Variants in CHEK2 observed in about 807,000 individuals in gnomAD.
The protein encoded by CHEK2 is checkpoint kinase 2.
CHEK2 carries 71 observed loss-of-function variants against 69.1 expected under a neutral mutation model. The observed-to-expected ratio is 1.03, with a 90% CI of 0.85 to 1.25. The LOEUF (loss-of-function observed/expected upper bound fraction) is 1.25. Among genes scored for constraint, CHEK2 ranks in the 50% most tolerant of loss-of-function variants. The probability of loss-of-function intolerance (pLI) is 0.00; values close to 1 mark genes in which losing one functional copy is unlikely to be tolerated. For missense variants in CHEK2, 664 were observed against 649.6 expected (o/e 1.02, Z -0.24); for synonymous variants, 189 against 226.9 (o/e 0.83, Z 1.50).
At chr22:28,698,112 C>T (rs911325731) in intron 9 of CHEK2, among the ~76,000 whole-genome samples, 25 of 150,412 alleles carry the variant, frequency 1.7e-4, no homozygotes, top group African/African-American at 3.9e-4. Flanking sequence ...GGCTTGTGGG[C>T]GGGCACGGTG....
intron 2 of CHEK2, among the ~76,000 whole-genome samples, chr22:28,727,160 G>A (rs2054041003): frequency 6.6e-6 from 1 of 152,120 alleles, no homozygotes; most frequent in Admixed American, 6.6e-5. Flanking sequence ...TCCTGCCTCA[G>A]CCTCCCGAGT....
rs184986475 is a variant in CHEK2, at chr22:28,700,547, T to C, written c.909-610A>G. Among the ~76,000 whole-genome samples the C allele has an allele frequency of 3.3e-5, 5 of 152,166 alleles. No homozygotes were observed. The East Asian group carries it at 9.7e-4, about 29-fold the overall frequency. On this transcript the variant is annotated intron_variant, in intron 8 of 14. Transcript: ENST00000404276. ...TTGCATTTTTATCACACACCACAGA[T>C]GATTCTGAGACTGATGTAGAAGAGC...
At chr22:28,703,678 G>GC in intron 7 of CHEK2, 112 bp from the exon 8 acceptor site, 1 of 707,176 alleles carries the variant, frequency 1.4e-6, no homozygotes. Flanking sequence ...CAGGCATCTG[G>GC]CCCCCTGCCT....
intron 5 of CHEK2, among the ~76,000 whole-genome samples, chr22:28,713,881 A>T (rs2053495742): frequency 6.7e-6 from 1 of 149,454 alleles, no homozygotes; most frequent in Non-Finnish European, 1.5e-5. Flanking sequence ...GGGTTTCACC[A>T]TGTTGGGCAG....
chr22:28,705,530 C>T (rs2053084673), intron 7 of CHEK2, among the ~76,000 whole-genome samples: 1 of 152,144 alleles, frequency 6.6e-6, no homozygotes, highest in South Asian at 2.1e-4. Context: ...CCTCTGGTCC[C>T]AGGCGTTTTG....
intron 2 of CHEK2, among the ~76,000 whole-genome samples, chr22:28,728,677 G>A (rs1339103598): frequency 6.6e-6 from 1 of 152,038 alleles, no homozygotes; most frequent in African/African-American, 2.4e-5. Context: ...ACTCCAGCCT[G>A]GGTGACAGAG....
chr22:28,706,803 C>G (rs532799589), intron 7 of CHEK2, among the ~76,000 whole-genome samples: 1 of 152,170 alleles, frequency 6.6e-6, no homozygotes, highest in Non-Finnish European at 1.5e-5. Context: ...CCTGTAATCC[C>G]AGCTAGTCAG....
chr22:28,731,499 G>A (rs905534901), intron 2 of CHEK2, among the ~76,000 whole-genome samples: 1 of 151,698 alleles, frequency 6.6e-6, no homozygotes, highest in South Asian at 2.1e-4. Flanking sequence ...AGGTGGCTGA[G>A]GCAGGAGAAT....
chr22:28,707,830 C>CTTTTTTTTTTTTTT (rs11453597), intron 7 of CHEK2, among the ~76,000 whole-genome samples: 10 of 102,464 alleles, frequency 9.8e-5, no homozygotes, highest in Non-Finnish European at 1.3e-4. Flanking sequence ...TTGTGTTTAT[C>CTTTTTTTTTTTTTT]TTTTTTTTTT....
At chr22:28,720,945 G>A (rs1170064930) in intron 4 of CHEK2, among the ~76,000 whole-genome samples, 3 of 152,162 alleles carry the variant, frequency 2.0e-5, no homozygotes, top group Admixed American at 6.5e-5. Context: ...TGGAGAAGTG[G>A]GGAGAGAAAA....
intron 4 of CHEK2, chr22:28,724,588 CAG>C (rs1173898002): frequency 7.3e-6 from 2 of 272,386 alleles, no homozygotes; most frequent in Non-Finnish European, 1.5e-5. Context: ...TGTTTTGAGA[CAG>C]AGTTTCACTC....
intron 1 of CHEK2, among the ~76,000 whole-genome samples, chr22:28,735,025 G>T (rs985730699): frequency 6.6e-6 from 1 of 152,048 alleles, no homozygotes; most frequent in Non-Finnish European, 1.5e-5. Context: ...GAGCTGGGGG[G>T]CTCATAAAAG....
At chr22:28,719,926 C>T (rs1489541147) in intron 4 of CHEK2, among the ~76,000 whole-genome samples, 2 of 152,106 alleles carry the variant, frequency 1.3e-5, no homozygotes, top group African/African-American at 2.4e-5. Context: ...ATCAGTATCA[C>T]CATACGGGTA....
chr22:28,733,407 C>G (rs2054275276), intron 2 of CHEK2, among the ~76,000 whole-genome samples: 1 of 152,178 alleles, frequency 6.6e-6, no homozygotes, highest in Non-Finnish European at 1.5e-5. Context: ...ATGGACAGCA[C>G]ATTGTAAATG....
intron 8 of CHEK2, among the ~76,000 whole-genome samples, chr22:28,700,774 G>A (rs2145851635): frequency 1.3e-5 from 2 of 152,182 alleles, no homozygotes; most frequent in East Asian, 3.9e-4. Context: ...CAGGTGCTTG[G>A]CAAGGTTATT....
At chr22:28,714,708 C>T (rs1243280691) in intron 5 of CHEK2, among the ~76,000 whole-genome samples, 1 of 152,070 alleles carries the variant, frequency 6.6e-6, no homozygotes, top group African/African-American at 2.4e-5. Context: ...GAAACCACTG[C>T]CAAATACAAG....
chr22:28,740,783 T>G (rs2054532790), intron 1 of CHEK2, among the ~76,000 whole-genome samples: 2 of 152,204 alleles, frequency 1.3e-5, no homozygotes, highest in Admixed American at 1.3e-4. Flanking sequence ...ATGTCTGACC[T>G]TGCACTGTTC....
chr22:28,721,569 G>A (rs1224596509), intron 4 of CHEK2: 2 of 451,398 alleles, frequency 4.4e-6, no homozygotes, highest in Admixed American at 5.1e-5. Context: ...TTAAAGACGT[G>A]AGCCACCGCG....
chr22:28,699,647 C>A (rs1601737074), intron 9 of CHEK2, 191 bp downstream of exon 9: 1 of 400,636 alleles, frequency 2.5e-6, no homozygotes, highest in Non-Finnish European at 4.1e-6. Flanking sequence ...TGGGCATGAA[C>A]CACCGCGCCT....
Sources: gnomAD v4.1 joint callset for allele counts (sites outside exome capture counted in the v4.1 genomes callset) on GRCh38, gnomAD v4.1.1 for gene constraint, MANE v1.5 for transcripts, NCBI Gene and HGNC (gene_info 2026-07-23, HGNC 2026-07-21) for gene names.